The following NUDCD3 variants were observed in gnomAD, a reference collection of about 807,000 sequenced individuals.
NUDCD3 encodes the protein NudC domain containing 3.
In NUDCD3, 13 loss-of-function variants were observed where a neutral mutation model predicts 39.7. The ratio of observed to expected loss-of-function variants is 0.33; its 90% CI spans 0.21 to 0.52. NUDCD3 has a LOEUF of 0.52. Among genes scored for constraint, NUDCD3 ranks in the 20% least tolerant of loss-of-function variants. The probability of loss-of-function intolerance (pLI) is 0.96; values close to 1 mark genes in which losing one functional copy is unlikely to be tolerated. For missense variants in NUDCD3, 453 were observed against 458.1 expected, an observed-to-expected ratio of 0.99 and a Z score of 0.10; for synonymous variants, 175 against 172.4, an observed-to-expected ratio of 1.02 and a Z score of -0.12.
At chr7:44,465,419 G>C (rs557547596) in intron 2 of NUDCD3, among the ~76,000 whole-genome samples, 1 of 152,256 alleles carries the variant, frequency 6.6e-6, no homozygotes, top group African/African-American at 2.4e-5. Flanking sequence ...GACTGATGTG[G>C]ATGAGCAGTG....
intron 2 of NUDCD3, among the ~76,000 whole-genome samples, chr7:44,463,337 G>A (rs2116952377): frequency 6.6e-6 from 1 of 152,254 alleles, no homozygotes; most frequent in Non-Finnish European, 1.5e-5. Context: ...GGACAAGCTG[G>A]TGACACCCAC....
At chr7:44,451,793 G>A (rs896539109) in intron 2 of NUDCD3, among the ~76,000 whole-genome samples, 1 of 152,118 alleles carries the variant, frequency 6.6e-6, no homozygotes, top group Admixed American at 6.6e-5. Flanking sequence ...AAACAAAATG[G>A]ACTAAGTTGA....
chr7:44,392,628 G>A, intron 4 of NUDCD3, 143 bp from the exon 5 acceptor site: 2 of 691,136 alleles, frequency 2.9e-6, no homozygotes, highest in East Asian at 5.4e-5. Flanking sequence ...GACAAGAGGG[G>A]GTGCCAGAAC....
chr7:44,440,594 A>G (rs549229013), intron 2 of NUDCD3, among the ~76,000 whole-genome samples: 2 of 150,458 alleles, frequency 1.3e-5, no homozygotes, highest in South Asian at 4.2e-4. Flanking sequence ...TTTCACAAAT[A>G]TATCATGCCA....
intron 3 of NUDCD3, among the ~76,000 whole-genome samples, chr7:44,427,118 CTG>C (rs1290882883): frequency 6.6e-6 from 1 of 152,202 alleles, no homozygotes; most frequent in African/African-American, 2.4e-5. Flanking sequence ...TTAGCTATCA[CTG>C]TGCGTTTAGT....
chr7:44,389,713 A>T (rs775421090), intron 5 of NUDCD3, among the ~76,000 whole-genome samples: 2 of 152,170 alleles, frequency 1.3e-5, no homozygotes, highest in Non-Finnish European at 2.9e-5. Context: ...GACGTGCCCC[A>T]ATAGAGGGGT....
At chr7:44,459,205 T>G (rs1164797690) in intron 2 of NUDCD3, among the ~76,000 whole-genome samples, 2 of 139,238 alleles carry the variant, frequency 1.4e-5, no homozygotes, top group Admixed American at 6.9e-5. Flanking sequence ...AATTTTTTCT[T>G]TTTTTTTTTT....
chr7:44,388,534 C>T (rs1324761877), intron 5 of NUDCD3, among the ~76,000 whole-genome samples: 2 of 152,242 alleles, frequency 1.3e-5, no homozygotes, highest in Non-Finnish European at 2.9e-5. Flanking sequence ...CTGCGTGTTG[C>T]AAGCCTCCAT....
At position 44,485,176 on chromosome 7, in the gene NUDCD3, C is replaced by T. The variant is rs1370015757; in HGVS notation, c.301G>A (p.Ala101Thr). The T allele has an allele frequency of 6.2e-7, 1 of 1,614,088 alleles. No individual in the cohort carries two copies. The highest frequency in any genetic ancestry group is 8.5e-7 in the Non-Finnish European group (1 of 1,180,026). The change falls in exon 2 of 6, where the codon GCT becomes ACT. Residue 101 changes from alanine to threonine, a missense_variant. Ala to Thr is a moderately conservative substitution (Grantham distance 58). Coordinates refer to ENST00000355451, the MANE Select transcript of NUDCD3 (RefSeq NM_015332.4). ...ACTGGCTCCTTCTCAGCTGCAGCAG[C>T]TGACACAGTCTTGGCCTCTTCCTCT... ...KEEEEAKTVS[A>T]AAAEKEPVPV...
At chr7:44,394,675 G>C (rs1183613751) in intron 4 of NUDCD3, among the ~76,000 whole-genome samples, 19 of 152,176 alleles carry the variant, frequency 1.2e-4, no homozygotes, top group Non-Finnish European at 1.5e-5. Flanking sequence ...ATTTAAAAAT[G>C]AGGACAAACC....
intron 2 of NUDCD3, among the ~76,000 whole-genome samples, chr7:44,444,900 T>C (rs1799660697): frequency 6.6e-6 from 1 of 152,252 alleles, no homozygotes; most frequent in African/African-American, 2.4e-5. Context: ...AGTCAGTTTC[T>C]TCCCACCTTA....
At chr7:44,472,842 G>A (rs1800283450) in intron 2 of NUDCD3, among the ~76,000 whole-genome samples, 1 of 152,184 alleles carries the variant, frequency 6.6e-6, no homozygotes, top group Non-Finnish European at 1.5e-5. Flanking sequence ...GATGGGGTCG[G>A]GTACTCTGAG....
At chr7:44,392,625 G>A (rs1585050025) in intron 4 of NUDCD3, 140 bp from the exon 5 acceptor site, 1 of 697,242 alleles carries the variant, frequency 1.4e-6, no homozygotes, top group Admixed American at 2.8e-5. Context: ...ACAGACAAGA[G>A]GGGGTGCCAG....
At chr7:44,430,554 CCACACACACACACACT>C (rs1173878866) in intron 2 of NUDCD3, among the ~76,000 whole-genome samples, 202 of 140,864 alleles carry the variant, frequency 1.4e-3, no homozygotes, top group African/African-American at 5.1e-3. Context: ...AATAAAATAC[CCACACACACACACACT>C]CACACACACA....
At chr7:44,473,682 C>T (rs1366688863) in intron 2 of NUDCD3, among the ~76,000 whole-genome samples, 1 of 152,102 alleles carries the variant, frequency 6.6e-6, no homozygotes, top group Non-Finnish European at 1.5e-5. Flanking sequence ...TTAGGAAGAA[C>T]CTGCTTCTAT....
intron 3 of NUDCD3, 58 bp downstream of exon 3, chr7:44,427,513 G>A: frequency 1.3e-6 from 2 of 1,569,944 alleles, no homozygotes; most frequent in Non-Finnish European, 1.7e-6. Flanking sequence ...GGTCTTCCCT[G>A]CAACAGCTTT....
At chr7:44,416,165 C>A (rs181082689) in intron 3 of NUDCD3, among the ~76,000 whole-genome samples, 1 of 152,284 alleles carries the variant, frequency 6.6e-6, no homozygotes, top group East Asian at 1.9e-4. Context: ...TTCGCAGAAG[C>A]CTTGACCTCC....
At chr7:44,402,736 A>AG in intron 4 of NUDCD3, 1 of 456,198 alleles carries the variant, frequency 2.2e-6, no homozygotes, top group South Asian at 1.6e-5. Flanking sequence ...AGGAGAGTCA[A>AG]GGCCAGTGTT....
rs531928914 is a variant in NUDCD3, at chr7:44,412,499, G to T, written c.643-7916C>A. Among the ~76,000 whole-genome samples, 213 of 152,322 alleles carry T rather than the reference G, an allele frequency of 1.4e-3. 1 individual carries two copies. The highest frequency in any genetic ancestry group is 2.5e-3 in the Non-Finnish European group (170 of 68,032). On this transcript the variant is annotated intron_variant, in intron 3 of 5. Transcript: ENST00000355451. ...TGTATCTAATCAAATACAATGGGAA[G>T]ATCAACTGTAAGTGATACAATTCAT... is the stretch of plus-strand genomic sequence containing the variant.
Sources: gnomAD v4.1 joint callset for allele counts (sites outside exome capture counted in the v4.1 genomes callset) on GRCh38, gnomAD v4.1.1 for gene constraint, MANE v1.5 for transcripts, NCBI Gene and HGNC (gene_info 2026-07-23, HGNC 2026-07-21) for gene names.